RELA: variants seen among roughly 807,000 people sequenced by gnomAD.
The protein encoded by RELA is RELA proto-oncogene, NF-kB subunit, also known as transcription factor p65.
RELA carries 14 observed loss-of-function variants against 56.7 expected under a neutral mutation model. The observed-to-expected ratio is 0.25, with a 90% CI of 0.16 to 0.39. The LOEUF (loss-of-function observed/expected upper bound fraction) is 0.39, where lower values mean the gene tolerates loss of function less well. RELA is among the 10% of genes least tolerant of loss of function. The pLI is 1.00. For missense variants in RELA, 559 were observed against 736.4 expected (o/e 0.76, Z 2.79); for synonymous variants, 315 against 289.7 (o/e 1.09, Z -0.89).
At chr11:65,663,455 G>A (rs1856624596), upstream of RELA, among the ~76,000 whole-genome samples, 1 of 152,196 alleles carries the variant, frequency 6.6e-6, no homozygotes, top group South Asian at 2.1e-4. Flanking sequence ...GGGAGCGGCC[G>A]GACCTCCCAG....
intron 8 of RELA, 131 bp from the exon 9 acceptor site, chr11:65,656,066 T>C (rs1000011154): frequency 9.3e-6 from 7 of 755,390 alleles, no homozygotes; most frequent in Admixed American, 7.9e-5. Context: ...TCTCTGCCAA[T>C]GAGAAGGGAT....
At chr11:65,661,903 G>C in intron 3 of RELA, 34 bp downstream of exon 3, 1 of 1,606,948 alleles carries the variant, frequency 6.2e-7, no homozygotes, top group African/African-American at 1.3e-5. Context: ...GGGTTCCACA[G>C]TCCCTTCCCC....
chr11:65,654,721 T>C lies in RELA; in HGVS notation c.1313A>G (p.Glu438Gly), dbSNP rs1431554156. Residue 438 changes from glutamate (E) to glycine (G), a missense_variant, in exon 11 of 11, where the codon GAG becomes GGG. Transcript: ENST00000406246. Reference protein sequence around the residue: ...PTQAGEGTLSEALLQLQFDDE... With the variant: ...PTQAGEGTLSGALLQLQFDDE... ...ATCAAACTGCAGCTGCAGCAGGGCCTCTGACAGCGTTCCTTCCCCAGCCTG... is the reference window on the plus strand; with the variant it reads ...ATCAAACTGCAGCTGCAGCAGGGCCCCTGACAGCGTTCCTTCCCCAGCCTG... The C allele has an allele frequency of 6.5e-7, 1 of 1,531,982 alleles. No individual in the cohort carries two copies. Among genetic ancestry groups the C allele is most frequent in the East Asian group, 2.3e-5 (1 of 43,888 alleles). 94.9% of individuals were successfully genotyped at this position (1,531,982 alleles called of 1,614,324 possible).
chr11:65,663,054 C>A, upstream of RELA: 1 of 269,856 alleles, frequency 3.7e-6, no homozygotes, highest in Non-Finnish European at 6.8e-6. Flanking sequence ...CAGCCGCTGC[C>A]GGGGGTCGGG....
Position 65,654,619 on chromosome 11 carries a change from G to C in RELA, c.1415C>G (p.Ser472Cys). ...CTGGTTCAGCAGCTGCTGAAACTCG[G>C]AGTTGTCGACGGATGCCAGGTCTGT... Reference protein sequence around the residue: ...VFTDLASVDNSEFQQLLNQGI... With the variant: ...VFTDLASVDNCEFQQLLNQGI... Residue 472 changes from serine (S) to cysteine (C), a missense_variant, in exon 11 of 11, where the codon TCC (serine) becomes TGC (cysteine). By Grantham distance (112) the Ser-to-Cys change is moderately radical (BLOSUM62 -1). This residue lies in a region of RELA where 365 missense variants were observed against 387.5 expected (regional missense o/e 0.94). Transcript: ENST00000406246. The C allele has an allele frequency of 6.2e-7, 1 of 1,609,870 alleles. No individual in the cohort carries two copies. The highest frequency in any genetic ancestry group is 8.5e-7 in the Non-Finnish European group (1 of 1,178,386).
intron 4 of RELA, among the ~76,000 whole-genome samples, chr11:65,660,993 C>T (rs1197786223): frequency 1.4e-5 from 2 of 146,640 alleles, no homozygotes; most frequent in African/African-American, 2.5e-5. Flanking sequence ...GAGCTGAGAT[C>T]GCGCCACTGC....
intron 10 of RELA, chr11:65,655,264 T>G (rs567057033): frequency 3.5e-5 from 20 of 572,472 alleles, no homozygotes; most frequent in Middle Eastern, 4.6e-4. Flanking sequence ...CTTGGAGAGA[T>G]AAGCTGGACT....
intron 6 of RELA, 86 bp downstream of exon 6, chr11:65,659,580 G>T: frequency 6.7e-7 from 1 of 1,502,426 alleles, no homozygotes. Context: ...AAGCCAGAGC[G>T]CCTCTTGCAG....
intron 4 of RELA, chr11:65,660,524 G>C (rs1473291323): frequency 1.6e-5 from 6 of 370,244 alleles, no homozygotes; most frequent in Non-Finnish European, 2.9e-5. Context: ...GGTCGGCTTG[G>C]AATGTTCTTT....
chr11:65,662,821 C>T lies in RELA; in HGVS notation c.7+5G>A. The T allele has an allele frequency of 8.3e-7, 1 of 1,200,362 alleles. No homozygotes were observed. The highest frequency in any genetic ancestry group is 3.5e-5 in the East Asian group (1 of 28,694). The allele number at this position is 1,200,362 out of a possible 1,614,324, so 74.4% of individuals were successfully genotyped here. A position where few individuals can be genotyped will look rare whatever the true frequency, so the allele number is the denominator to read the frequency against. ...CCACCCCGCGGGGTCAGAGGGCGAC[C>T]TCACCGTCCATGGCCGGGGTCCCGG... is the stretch of plus-strand genomic sequence containing the variant. On this transcript the variant is annotated splice_donor_5th_base_variant and intron_variant, in intron 1 of 10. Transcript: ENST00000406246.
Position 65,654,811 on chromosome 11 carries a change from G to A in RELA, c.1223C>T (p.Ala408Val). 1 of 1,533,960 alleles carries A rather than the reference G, an allele frequency of 6.5e-7. No homozygotes were observed. The highest frequency in any genetic ancestry group is 8.8e-7 in the Non-Finnish European group (1 of 1,136,836). ...GCCTGGGGCTAGGACTGGGACAGGG[G>A]CTGGGGCCTGGGCCAGAGCTGATAC... ...AMVSALAQAPAPVPVLAPGPP... is the reference protein window; with the variant it reads ...AMVSALAQAPVPVPVLAPGPP... Residue 408 changes from alanine (A) to valine (V), a missense_variant, in exon 11 of 11, where the codon GCC becomes GTC. Transcript: ENST00000406246.
chr11:65,663,121 G>T (rs1166412048), upstream of RELA: 8 of 231,512 alleles, frequency 3.5e-5, no homozygotes. Context: ...GGCTCGGCTA[G>T]CTCCCGGGTC....
Position 65,654,447 on chromosome 11 carries a change from T to C in RELA, c.1587A>G (p.Ser529=), listed in dbSNP as rs748084685. 8 of 1,609,890 alleles carry C rather than the reference T, an allele frequency of 5.0e-6. No homozygotes were observed. Among genetic ancestry groups the C allele is most frequent in the African/African-American group, 2.7e-5 (2 of 74,636 alleles). ...CAATGGAGGAGAAGTCTTCATCTCC[T>C]GAAAGGAGGCCATTGGGGAGCCCCG... The part of the protein sequence containing the change: ...GAPGLPNGLL[S]GDEDFSSIAD... The change falls in exon 11 of 11, where the codon TCA becomes TCG. Residue 529 remains serine, a synonymous_variant. Coordinates refer to ENST00000406246, the MANE Select transcript of RELA (RefSeq NM_021975.4).
In RELA at chr11:65,654,129, A is replaced by G; in HGVS notation, c.*249T>C. On this transcript the variant is annotated 3_prime_UTR_variant, in exon 11 of 11. Coordinates refer to ENST00000406246, the MANE Select transcript of RELA (RefSeq NM_021975.4). ...AGAGAAGGGAGCTGACCATCAGGACAGGGGAAAAGTTTGAGTTTCCCCAGC... is the reference window on the plus strand; with the variant it reads ...AGAGAAGGGAGCTGACCATCAGGACGGGGGAAAAGTTTGAGTTTCCCCAGC... The G allele has an allele frequency of 1.8e-6, 1 of 556,904 alleles. No individual in the cohort carries two copies. The highest frequency in any genetic ancestry group is 1.9e-5 in the South Asian group (1 of 53,894). 34.5% of individuals were successfully genotyped at this position (556,904 alleles called of 1,614,324 possible).
intron 1 of RELA, 103 bp downstream of exon 1, chr11:65,662,723 G>A (rs886229378): frequency 3.2e-6 from 3 of 950,726 alleles, no homozygotes; most frequent in Non-Finnish European, 4.0e-6. Flanking sequence ...TCCCTGCGCA[G>A]CGCCCGTCGG....
chr11:65,659,342 T>C (rs1055258859), intron 6 of RELA, among the ~76,000 whole-genome samples: 15 of 152,272 alleles, frequency 9.9e-5, no homozygotes, highest in Non-Finnish European at 1.8e-4. Flanking sequence ...TCGAACACTA[T>C]CTTGTTCCTG....
chr11:65,661,699 C>A lies in RELA; in HGVS notation c.323G>T (p.Arg108Leu). The change falls in exon 4 of 11, where the codon CGC (arginine) becomes CTC (leucine). Residue 108 changes from arginine (R) to leucine (L), a missense_variant. Around this residue, in one of 4 missense-constraint regions of RELA, gnomAD observed 149 missense variants for 256.0 expected, o/e 0.58. Coordinates refer to ENST00000406246, the MANE Select transcript of RELA (RefSeq NM_021975.4). ...GCAGGGACCTCACCTGTGGATGCAGCGGTCCGGGCAGAGCTCAGCCTCATA... is the reference window on the plus strand; with the variant it reads ...GCAGGGACCTCACCTGTGGATGCAGAGGTCCGGGCAGAGCTCAGCCTCATA... ...GFYEAELCPD[R>L]CIHSFQNLGI... The A allele has an allele frequency of 6.3e-7, 1 of 1,593,170 alleles. No individual in the cohort carries two copies. Among genetic ancestry groups the A allele is most frequent in the Non-Finnish European group, 8.6e-7 (1 of 1,168,380 alleles).
Position 65,655,842 on chromosome 11 carries a change from G to T in RELA, c.958+13C>A. On this transcript the variant is annotated intron_variant, in intron 9 of 10. Transcript: ENST00000406246. ...GCTGCCTTCCTCTCTGGCTTTCCCAGTCCCCATCTCACCGCTGAAAGGACT... is the reference window on the plus strand; with the variant it reads ...GCTGCCTTCCTCTCTGGCTTTCCCATTCCCCATCTCACCGCTGAAAGGACT... 6.2e-7 allele frequency: 1 copy of T among 1,613,836 alleles called. No homozygotes were observed. The highest frequency in any genetic ancestry group is 8.5e-7 in the Non-Finnish European group (1 of 1,179,778).
Position 65,654,254 on chromosome 11 carries a change from C to T in RELA, c.*124G>A. 8.3e-7 allele frequency: 1 copy of T among 1,203,822 alleles called. No individual in the cohort carries two copies. Among genetic ancestry groups the T allele is most frequent in the Non-Finnish European group, 1.2e-6 (1 of 823,532 alleles). 74.6% of individuals were successfully genotyped at this position (1,203,822 alleles called of 1,614,324 possible). On this transcript the variant is annotated 3_prime_UTR_variant, in exon 11 of 11. Transcript: ENST00000406246. ...TAAAAGAATAAAATATGGCTCCCCC[C>T]TCCAAGGAAGACATCCACAAAGTTG...
Sources: gnomAD v4.1 joint callset for allele counts (sites outside exome capture counted in the v4.1 genomes callset) on GRCh38, gnomAD v4.1.1 for gene constraint, gnomAD v4.1.1 regional missense constraint, MANE v1.5 for transcripts, NCBI Gene and HGNC (gene_info 2026-07-23, HGNC 2026-07-21) for gene names.